The following PPFIBP2 variants were observed in gnomAD, a reference collection of about 807,000 sequenced individuals.
The protein encoded by PPFIBP2 is liprin-beta-2.
In PPFIBP2, 118 loss-of-function variants were observed where a neutral mutation model predicts 118.3. The observed-to-expected ratio is 1.00, with a 90% confidence interval of 0.86 to 1.16. The LOEUF is 1.16. Among genes scored for constraint, PPFIBP2 ranks in the 50% most tolerant of loss-of-function variants. The pLI is 0.00. For missense variants in PPFIBP2, 1,195 were observed against 1,073.1 expected (o/e 1.11, Z -1.59); for synonymous variants, 414 against 397.4 (o/e 1.04, Z -0.50).
At chr11:7,571,978 T>G (rs1855703816) in intron 3 of PPFIBP2, 1 of 152,242 alleles carries the variant, frequency 6.6e-6, no homozygotes, top group African/African-American at 2.4e-5. Context: ...CTCTCATTAT[T>G]GAAACTGCTT....
intron 3 of PPFIBP2, chr11:7,573,855 C>G: frequency 6.6e-6 from 1 of 152,234 alleles, no homozygotes; most frequent in East Asian, 1.9e-4. Context: ...GCCCAGGATG[C>G]CTGTAGGTGA....
At chr11:7,665,370 G>A in the PPFIBP2 span, 1 of 1,495,574 alleles carries the variant, frequency 6.7e-7, no homozygotes, top group East Asian at 2.4e-5. Context: ...AGCACGTGGA[G>A]GTGTTAGTAG....
intron 3 of PPFIBP2, among the ~76,000 whole-genome samples, chr11:7,566,126 C>G (rs1428501058): frequency 6.6e-6 from 1 of 152,032 alleles, no homozygotes; most frequent in Non-Finnish European, 1.5e-5. Flanking sequence ...CGGCTAGATC[C>G]CACTACCCCT....
chr11:7,653,700 C>A lies in PPFIBP2; in HGVS notation c.*482C>A. 7.8e-7 allele frequency: 1 copy of A among 1,278,436 alleles called. No homozygotes were observed. Among genetic ancestry groups the A allele is most frequent in the South Asian group, 1.3e-5 (1 of 78,964 alleles). The allele number at this position is 1,278,436 out of a possible 1,614,324, so 79.2% of individuals were successfully genotyped here. A position where few individuals can be genotyped will look rare whatever the true frequency, so the allele number is the denominator to read the frequency against. On this transcript the variant is annotated 3_prime_UTR_variant, in exon 24 of 24. Coordinates refer to ENST00000299492, the MANE Select transcript of PPFIBP2 (RefSeq NM_003621.5). ...ACAGTGACAATGGAATTGTGTTGTG[C>A]CTTACTTCAGAGGTGGTCTCTTCTT...
intron 7 of PPFIBP2, 103 bp from the exon 8 acceptor site, chr11:7,625,674 G>T: frequency 1.2e-6 from 1 of 864,026 alleles, no homozygotes; most frequent in South Asian, 1.5e-5. Context: ...CCTAACTCCT[G>T]ATGCACCCTG....
chr11:7,573,485 G>T (rs1323122830), intron 3 of PPFIBP2, among the ~76,000 whole-genome samples: 1 of 152,218 alleles, frequency 6.6e-6, no homozygotes, highest in African/African-American at 2.4e-5. Context: ...TTTAGGTATT[G>T]GCTGTGGCTG....
At chr11:7,617,115 G>A in intron 6 of PPFIBP2, 1 of 985,308 alleles carries the variant, frequency 1.0e-6, no homozygotes, top group Non-Finnish European at 1.2e-6. Context: ...CCTACAGTCG[G>A]TTCTGAATGT....
intron 5 of PPFIBP2, among the ~76,000 whole-genome samples, chr11:7,601,658 A>G (rs1846644808): frequency 1.3e-5 from 2 of 152,182 alleles, no homozygotes; most frequent in Admixed American, 6.5e-5. Flanking sequence ...AACTTTCCCC[A>G]TTAAGAAGAG....
At chr11:7,583,380 C>A (rs1296755857) in intron 3 of PPFIBP2, among the ~76,000 whole-genome samples, 3 of 152,178 alleles carry the variant, frequency 2.0e-5, no homozygotes, top group African/African-American at 7.2e-5. Context: ...GGAGCTAAGA[C>A]AGTCACAGCG....
chr11:7,570,140 C>A (rs927182196), intron 3 of PPFIBP2, among the ~76,000 whole-genome samples: 8 of 43,902 alleles, frequency 1.8e-4, no homozygotes, highest in African/African-American at 6.0e-4. Flanking sequence ...CCCCTCCACA[C>A]CTGCTTGGCT....
At chr11:7,664,276 A>G in the PPFIBP2 span, among the ~76,000 whole-genome samples, 1 of 152,186 alleles carries the variant, frequency 6.6e-6, no homozygotes, top group Admixed American at 6.5e-5. Flanking sequence ...TTTCCCAGGT[A>G]TGCCGGAGAG....
rs1340555136 is a variant in PPFIBP2, at chr11:7,616,464, C to CT, written c.619-4470dup. On this transcript the variant is annotated intron_variant, in intron 6 of 23. Transcript: ENST00000299492. This position sits in a 1 kb window ranked among gnomAD's most constrained non-coding sequence, Gnocchi z 5.2. Reference sequence around the variant, plus strand: ...GGATCCGTGTCCTCAAGGAGTGAGTCTCGTCAGATTGGCCTTATCGGTTTG... The same window carrying CT: ...GGATCCGTGTCCTCAAGGAGTGAGTCTTCGTCAGATTGGCCTTATCGGTTTG... Among the ~76,000 whole-genome samples, 1 of 152,202 alleles carries CT rather than the reference C, an allele frequency of 6.6e-6. No individual in the cohort carries two copies. The highest frequency in any genetic ancestry group is 1.5e-5 in the Non-Finnish European group (1 of 68,030).
chr11:7,615,813 G>C (rs956993646), intron 6 of PPFIBP2, among the ~76,000 whole-genome samples: 10 of 152,164 alleles, frequency 6.6e-5, no homozygotes, highest in African/African-American at 2.4e-4. Context: ...GGAAAAACTA[G>C]GCATAAACAG....
At chr11:7,638,231 C>A (rs191807512) in intron 14 of PPFIBP2, among the ~76,000 whole-genome samples, 1 of 152,102 alleles carries the variant, frequency 6.6e-6, no homozygotes, top group Non-Finnish European at 1.5e-5. Flanking sequence ...TACAAGTGCT[C>A]CAGGTAATTA....
Position 7,639,843 on chromosome 11 carries a change from G to T in PPFIBP2, c.1348G>T (p.Ala450Ser), listed in dbSNP as rs143948272. The change falls in exon 15 of 24, where the codon GCC (alanine) becomes TCC (serine). Residue 450 changes from alanine to serine, a missense_variant. Ala to Ser is a moderately conservative substitution (Grantham distance 99). Coordinates refer to ENST00000299492, the MANE Select transcript of PPFIBP2 (RefSeq NM_003621.5). ...TCCTCCCACCATCTGCCAGCCTGACGCCACGGGGAGCAGCCTGCTGAGGCT... is the reference window on the plus strand; with the variant it reads ...TCCTCCCACCATCTGCCAGCCTGACTCCACGGGGAGCAGCCTGCTGAGGCT... ...KSPPTICQPDATGSSLLRLRD... is the reference protein window; with the variant it reads ...KSPPTICQPDSTGSSLLRLRD... 6.2e-7 allele frequency: 1 copy of T among 1,614,112 alleles called. No individual in the cohort carries two copies. Among genetic ancestry groups the T allele is most frequent in the Non-Finnish European group, 8.5e-7 (1 of 1,180,012 alleles).
intron 1 of PPFIBP2, among the ~76,000 whole-genome samples, chr11:7,544,998 C>T (rs1852185345): frequency 6.6e-6 from 1 of 152,126 alleles, no homozygotes; most frequent in Non-Finnish European, 1.5e-5. Flanking sequence ...GTGGAAGACA[C>T]TGAACGCACT....
intron 7 of PPFIBP2, among the ~76,000 whole-genome samples, chr11:7,624,095 G>A (rs1185235457): frequency 1.3e-5 from 2 of 152,180 alleles, no homozygotes; most frequent in Non-Finnish European, 2.9e-5. Context: ...CCATTTGGGG[G>A]ATGTTAGGGA....
At chr11:7,547,543 C>T (rs973402684) in intron 1 of PPFIBP2, among the ~76,000 whole-genome samples, 1 of 152,084 alleles carries the variant, frequency 6.6e-6, no homozygotes, top group Non-Finnish European at 1.5e-5. Flanking sequence ...CCTCCTGCTT[C>T]CCCCCTTTTC....
At chr11:7,558,678 C>T (rs1299474320) in intron 2 of PPFIBP2, among the ~76,000 whole-genome samples, 1 of 151,902 alleles carries the variant, frequency 6.6e-6, no homozygotes, top group African/African-American at 2.4e-5. Flanking sequence ...ATTGCTGGAA[C>T]CTGGGAGGCG....
Sources: gnomAD v4.1 joint callset for allele counts (sites outside exome capture counted in the v4.1 genomes callset) on GRCh38, gnomAD v4.1.1 for gene constraint, Gnocchi (gnomAD v3.1) non-coding constraint, MANE v1.5 for transcripts, NCBI Gene and HGNC (gene_info 2026-07-23, HGNC 2026-07-21) for gene names.